APP: variants seen among roughly 807,000 people sequenced by gnomAD.
The protein encoded by APP is amyloid beta precursor protein.
In APP, 31 loss-of-function variants were observed where a neutral mutation model predicts 101.4. The observed-to-expected ratio is 0.31, with a 90% CI of 0.23 to 0.41. APP has a LOEUF of 0.41. APP is among the 10% of genes least tolerant of loss of function. The probability of loss-of-function intolerance (pLI) is 1.00; values close to 1 mark genes in which losing one functional copy is unlikely to be tolerated. For missense variants in APP, 839 were observed against 1,003.7 expected (o/e 0.84, Z 2.22); for synonymous variants, 366 against 364.4 (o/e 1.00, Z -0.05).
At chr21:25,987,524 C>G in intron 8 of APP, among the ~76,000 whole-genome samples, 1 of 152,142 alleles carries the variant, frequency 6.6e-6, no homozygotes, top group East Asian at 1.9e-4. Flanking sequence ...AGGCTATTAC[C>G]TCCCTTCCTT....
At chr21:25,961,765 T>C (rs966312219) in intron 11 of APP, among the ~76,000 whole-genome samples, 1 of 152,204 alleles carries the variant, frequency 6.6e-6, no homozygotes, top group South Asian at 2.1e-4. Context: ...GTTATCTCTA[T>C]AGAAACATAT....
chr21:26,046,524 T>TC (rs1555856091), intron 5 of APP, among the ~76,000 whole-genome samples: 2 of 147,876 alleles, frequency 1.4e-5, no homozygotes, highest in African/African-American at 5.0e-5. Flanking sequence ...AGCAGCTCTT[T>TC]AAAAAAAAAA....
chr21:26,055,425 A>G (rs1016959305), intron 3 of APP, among the ~76,000 whole-genome samples: 1 of 152,194 alleles, frequency 6.6e-6, no homozygotes, highest in African/African-American at 2.4e-5. Flanking sequence ...AAACAAAACA[A>G]AACAAAACAA....
chr21:26,155,924 G>A (rs534392755), intron 1 of APP, among the ~76,000 whole-genome samples: 248 of 151,460 alleles, frequency 1.6e-3, no homozygotes, highest in Non-Finnish European at 3.2e-3. Flanking sequence ...GTGAACCCAG[G>A]AGGGAGGCAG....
At chr21:26,124,143 A>G (rs1167080197) in intron 1 of APP, among the ~76,000 whole-genome samples, 4 of 152,358 alleles carry the variant, frequency 2.6e-5, no homozygotes, top group East Asian at 3.9e-4. Flanking sequence ...ATGAAAAATA[A>G]TAACAGTAAT....
intron 11 of APP, among the ~76,000 whole-genome samples, chr21:25,961,721 C>G (rs2041588709): frequency 6.6e-6 from 1 of 152,082 alleles, no homozygotes; most frequent in Non-Finnish European, 1.5e-5. Flanking sequence ...AACACAGAAA[C>G]CTTCATACAG....
At chr21:26,121,448 C>T (rs889530707) in intron 1 of APP, among the ~76,000 whole-genome samples, 1 of 151,844 alleles carries the variant, frequency 6.6e-6, no homozygotes, top group African/African-American at 2.4e-5. Context: ...AGTGCAGTAG[C>T]GTGATCTCAG....
chr21:26,155,692 G>C (rs1453958289), intron 1 of APP, among the ~76,000 whole-genome samples: 1 of 151,952 alleles, frequency 6.6e-6, no homozygotes, highest in East Asian at 1.9e-4. Flanking sequence ...AATATCATTG[G>C]GTCTAAAAAT....
chr21:26,050,880 C>G, intron 5 of APP, 120 bp downstream of exon 5: 1 of 1,226,828 alleles, frequency 8.2e-7, no homozygotes, highest in Non-Finnish European at 1.2e-6. Context: ...TAACAGCAGA[C>G]TCTGATGGGA....
chr21:25,926,896 G>A lies in APP; in HGVS notation c.1688-14934C>T, dbSNP rs191383394. 3.4e-4 allele frequency among the ~76,000 whole-genome samples: 51 copies of A among 150,598 alleles called. No homozygotes were observed. In the East Asian group the frequency reaches 7.3e-3, roughly 21 times the overall value. ...GGTGGCACTGTAGTCCCAGCTACTC[G>A]GGAGGCTGAGGCAGGAGAATGGTGT... On this transcript the variant is annotated intron_variant, in intron 13 of 17. Coordinates refer to ENST00000346798, the MANE Select transcript of APP (RefSeq NM_000484.4).
At chr21:26,008,931 G>C (rs763446892) in intron 6 of APP, among the ~76,000 whole-genome samples, 1 of 152,162 alleles carries the variant, frequency 6.6e-6, no homozygotes, top group Non-Finnish European at 1.5e-5. Context: ...TGGAAGGCAG[G>C]AGACGCTACT....
intron 3 of APP, among the ~76,000 whole-genome samples, chr21:26,057,258 A>T (rs1398023456): frequency 6.6e-6 from 1 of 152,200 alleles, no homozygotes; most frequent in Non-Finnish European, 1.5e-5. Context: ...AGAGTTCTTA[A>T]CAGAATTCTG....
intron 5 of APP, among the ~76,000 whole-genome samples, chr21:26,043,213 T>G (rs2146873027): frequency 6.6e-6 from 1 of 151,704 alleles, no homozygotes; most frequent in African/African-American, 2.4e-5. Context: ...TCTAGAATGA[T>G]ATTCCTTAGT....
In APP at chr21:25,975,060, C is replaced by T. The variant is rs201290605; in HGVS notation, c.1458+10G>A. The T allele has an allele frequency of 2.1e-4, 344 of 1,613,968 alleles. 1 individual carries two copies. Among genetic ancestry groups the T allele is most frequent in the Non-Finnish European group, 2.4e-4 (281 of 1,180,004 alleles). On this transcript the variant is annotated intron_variant, in intron 11 of 17. Coordinates refer to ENST00000346798, the MANE Select transcript of APP (RefSeq NM_000484.4). ...ACCTGAAGTGTGAACTCGGCTGCAG[C>T]GAGACCTACCCGAGGAGGAACAGCC...
At chr21:26,170,951 A>C (rs2063734901), upstream of APP, 5 of 234,026 alleles carry the variant, frequency 2.1e-5, no homozygotes, top group East Asian at 8.5e-5. Flanking sequence ...CCTGCACCCC[A>C]CGCGCCCCCT....
chr21:25,985,589 G>C (rs1466371005), intron 8 of APP, among the ~76,000 whole-genome samples: 3 of 152,016 alleles, frequency 2.0e-5, no homozygotes, highest in Non-Finnish European at 4.4e-5. Flanking sequence ...CAGCTCTCCT[G>C]GGTCTCCAAC....
chr21:26,078,806 G>C (rs1568946086), intron 3 of APP, among the ~76,000 whole-genome samples: 1 of 152,198 alleles, frequency 6.6e-6, no homozygotes, highest in Non-Finnish European at 1.5e-5. Flanking sequence ...AGCACTTTGG[G>C]AGGCCGAGGC....
intron 3 of APP, among the ~76,000 whole-genome samples, chr21:26,079,844 C>T (rs1291649650): frequency 6.6e-6 from 1 of 152,172 alleles, no homozygotes; most frequent in Non-Finnish European, 1.5e-5. Context: ...CCTATCTAGG[C>T]CGGGAATGGT....
chr21:25,918,735 C>T (rs893723947), intron 13 of APP, among the ~76,000 whole-genome samples: 3 of 151,334 alleles, frequency 2.0e-5, no homozygotes, highest in Non-Finnish European at 4.4e-5. Flanking sequence ...GTCCTACGCC[C>T]ACGGAATCGC....
Sources: gnomAD v4.1 joint callset for allele counts (sites outside exome capture counted in the v4.1 genomes callset) on GRCh38, gnomAD v4.1.1 for gene constraint, MANE v1.5 for transcripts, NCBI Gene and HGNC (gene_info 2026-07-23, HGNC 2026-07-21) for gene names.